Variants in VCP observed in about 807,000 individuals in gnomAD.
VCP encodes valosin containing protein, also known as transitional endoplasmic reticulum ATPase.
VCP carries 6 observed loss-of-function variants against 85.7 expected under a neutral mutation model. The observed-to-expected ratio is 0.07, with a 90% confidence interval of 0.04 to 0.14. The LOEUF (loss-of-function observed/expected upper bound fraction) is 0.14. Ranked by LOEUF, VCP falls within the 10% of genes least tolerant of loss-of-function variation. VCP has a pLI of 1.00. For synonymous variants in VCP, 384 were observed against 367.1 expected (o/e 1.05, Z -0.53); for missense variants, 353 against 1,043.4 (o/e 0.34, Z 9.12).
rs529589283 is a variant in VCP, at chr9:35,059,987, C to A, written c.1696-186G>T. The A allele has an allele frequency of 1.6e-4, 119 of 765,704 alleles. 2 individuals are homozygous for A. In the South Asian group the frequency reaches 2.1e-3, roughly 13 times the overall value. 47.4% of individuals were successfully genotyped at this position (765,704 alleles called of 1,614,324 possible). A position where few individuals can be genotyped will look rare whatever the true frequency, so the allele number is the denominator to read the frequency against. On this transcript the variant is annotated intron_variant, in intron 13 of 16. Coordinates refer to ENST00000358901, the MANE Select transcript of VCP (RefSeq NM_007126.5). This position sits in a 1 kb window ranked among gnomAD's most constrained non-coding sequence, Gnocchi z 4.9. Reference sequence around the variant, plus strand: ...GTCTCTACAAAAAATAAAAAATTAGCCAGATGTGGTGACGCATGCCTATAG... The same window carrying A: ...GTCTCTACAAAAAATAAAAAATTAGACAGATGTGGTGACGCATGCCTATAG...
Position 35,068,610 on chromosome 9 carries a change from G to A in VCP, c.18-248C>T, listed in dbSNP as rs574321642. Reference sequence around the variant, plus strand: ...TATAAGGCCCCAAGTGAGTGATCCTGCCCCAGGGTCAGAAAATAATGGCCT... The same window carrying A: ...TATAAGGCCCCAAGTGAGTGATCCTACCCCAGGGTCAGAAAATAATGGCCT... On this transcript the variant is annotated intron_variant, in intron 1 of 16. Transcript: ENST00000358901. Among the ~76,000 whole-genome samples the A allele has an allele frequency of 4.6e-5, 7 of 152,142 alleles. 1 individual carries two copies. Among genetic ancestry groups the A allele is most frequent in the Non-Finnish European group, 1.0e-4 (7 of 68,022 alleles).
intron 1 of VCP, among the ~76,000 whole-genome samples, chr9:35,071,448 T>C (rs1485908492): frequency 3.3e-5 from 5 of 151,884 alleles, no homozygotes; most frequent in Admixed American, 6.6e-5. Context: ...ATATAGCTGG[T>C]TGGGGAAAGG....
chr9:35,070,912 G>C (rs1036424524), intron 1 of VCP, among the ~76,000 whole-genome samples: 1 of 152,214 alleles, frequency 6.6e-6, no homozygotes, highest in East Asian at 1.9e-4. Flanking sequence ...AATTTGGCCT[G>C]ACCATGGGCC....
At chr9:35,060,555 C>T (rs368525824) in intron 12 of VCP, 30 bp from the exon 13 acceptor site, 2 of 1,607,108 alleles carry the variant, frequency 1.2e-6, no homozygotes, top group Non-Finnish European at 1.7e-6. Context: ...GGGTTCAAGG[C>T]TACCTCCACA....
intron 4 of VCP, 49 bp from the exon 5 acceptor site, chr9:35,065,430 C>T (rs1384315469): frequency 6.2e-7 from 1 of 1,612,588 alleles, no homozygotes; most frequent in African/African-American, 1.3e-5. Context: ...AACTACAAGA[C>T]AAAGTGAGAA....
At position 35,056,256 on chromosome 9, in the gene VCP, C is replaced by T. The variant is rs11546026; in HGVS notation, c.*861G>A. 1 of 152,180 alleles carries T rather than the reference C, an allele frequency of 6.6e-6. No individual in the cohort carries two copies. Among genetic ancestry groups the T allele is most frequent in the African/African-American group, 2.4e-5 (1 of 41,442 alleles). The allele number at this position is 152,180 out of a possible 1,614,324, so 9.4% of individuals were successfully genotyped here. A position where few individuals can be genotyped will look rare whatever the true frequency, so the allele number is the denominator to read the frequency against. On this transcript the variant is annotated 3_prime_UTR_variant, in exon 17 of 17. Transcript: ENST00000358901. The stretch of plus-strand genomic sequence containing the variant: ...GCGATTTTCAAATGGCACCCCAACA[C>T]AGTCTTTGGTCAGGATAAGGGATCC...
Position 35,062,025 on chromosome 9 carries a change from A to T in VCP, c.1059T>A (p.Ile353=). ...VMAATNRPNS[I]DPALRRFGRF... ...TACCAAATCGCCGTAGAGCTGGGTC[A>T]ATGCTGTTGGGTCTGTTGGTTGCTG... The change falls in exon 9 of 17, where the codon ATT becomes ATA. Residue 353 remains isoleucine, a synonymous_variant. Transcript: ENST00000358901. 6.2e-7 allele frequency: 1 copy of T among 1,614,200 alleles called. No homozygotes were observed. Among genetic ancestry groups the T allele is most frequent in the Non-Finnish European group, 8.5e-7 (1 of 1,180,030 alleles).
rs185234380 is a variant in VCP, at chr9:35,058,871, C to T, written c.2160+193G>A. On this transcript the variant is annotated intron_variant, in intron 15 of 16. Coordinates refer to ENST00000358901, the MANE Select transcript of VCP (RefSeq NM_007126.5). Reference sequence around the variant, plus strand: ...GCTTGGTTCAGACTGAGAATGGAGCCTGACCATCTCTTCTCGGCCTTATTC... The same window carrying T: ...GCTTGGTTCAGACTGAGAATGGAGCTTGACCATCTCTTCTCGGCCTTATTC... Among the ~76,000 whole-genome samples the T allele has an allele frequency of 3.3e-5, 5 of 152,340 alleles. No homozygotes were observed. The East Asian group carries it at 7.7e-4, about 24-fold the overall frequency.
intron 15 of VCP, among the ~76,000 whole-genome samples, chr9:35,058,432 C>T (rs1483455315): frequency 6.6e-6 from 1 of 152,184 alleles, no homozygotes; most frequent in Non-Finnish European, 1.5e-5. Flanking sequence ...TGGACCCTAT[C>T]CCTTCCCCAA....
chr9:35,061,767 T>G, intron 9 of VCP, 78 bp from the exon 10 acceptor site: 4 of 1,406,450 alleles, frequency 2.8e-6, no homozygotes, highest in Non-Finnish European at 4.0e-6. Flanking sequence ...TGACCAACCA[T>G]CTCAGCCAGC....
Position 35,059,067 on chromosome 9 carries a change from G to A in VCP, c.2157C>T (p.Ala719=), listed in dbSNP as rs372583061. The A allele has an allele frequency of 1.2e-6, 2 of 1,613,838 alleles. No individual in the cohort carries two copies. The highest frequency in any genetic ancestry group is 1.3e-5 in the African/African-American group (1 of 74,894). Residue 719 remains alanine (A), a synonymous_variant, in exon 15 of 17, where the codon GCC becomes GCT. Transcript: ENST00000358901. The surrounding 1 kb of genome is among the most constrained non-coding windows in gnomAD (Gnocchi z 4.9). ...TGGGGAAAGGATGCAGACTCACCAT[G>A]GCTGATGGGTTTGTCTGCCTCTCTC... The part of the protein sequence containing the change: ...RERERQTNPS[A]MEVEEDDPVP...
intron 9 of VCP, 78 bp from the exon 10 acceptor site, chr9:35,061,767 T>A: frequency 7.1e-7 from 1 of 1,406,450 alleles, no homozygotes; most frequent in South Asian, 1.2e-5. Flanking sequence ...TGACCAACCA[T>A]CTCAGCCAGC....
intron 1 of VCP, 163 bp downstream of exon 1, chr9:35,072,174 G>A (rs1360860125): frequency 7.0e-7 from 1 of 1,418,942 alleles, no homozygotes; most frequent in Non-Finnish European, 9.2e-7. Flanking sequence ...CCCCAGCCGG[G>A]CCTGCCGGGT....
At chr9:35,061,965 T>C (rs369422139) in intron 9 of VCP, 38 bp downstream of exon 9, 11 of 1,613,948 alleles carry the variant, frequency 6.8e-6, no homozygotes. Flanking sequence ...AAGTAGGACC[T>C]AAGCAAGGAC....
intron 3 of VCP, among the ~76,000 whole-genome samples, chr9:35,067,120 A>C (rs1828849236): frequency 6.6e-6 from 1 of 152,212 alleles, no homozygotes; most frequent in African/African-American, 2.4e-5. Flanking sequence ...CAATATTACA[A>C]GGGAAGGTCT....
At position 35,059,244 on chromosome 9, in the gene VCP, T is replaced by C. The variant is rs779399540; in HGVS notation, c.2005-25A>G. The C allele has an allele frequency of 1.2e-6, 2 of 1,613,720 alleles. No individual in the cohort carries two copies. Among genetic ancestry groups the C allele is most frequent in the South Asian group, 2.2e-5 (2 of 91,032 alleles). ...CCTAAAAGCAGCAGCAGAGGTACCT[T>C]AGCATTTAGCCTCTCCTCTCGAGAT... On this transcript the variant is annotated intron_variant, in intron 14 of 16. Coordinates refer to ENST00000358901, the MANE Select transcript of VCP (RefSeq NM_007126.5). The surrounding 1 kb of genome is among the most constrained non-coding windows in gnomAD (Gnocchi z 4.9).
At chr9:35,069,908 A>G (rs1828906797) in intron 1 of VCP, among the ~76,000 whole-genome samples, 1 of 152,236 alleles carries the variant, frequency 6.6e-6, no homozygotes, top group African/African-American at 2.4e-5. Flanking sequence ...ATTATGTACC[A>G]GGCATTGTTC....
intron 5 of VCP, 24 bp downstream of exon 5, chr9:35,065,227 A>T: frequency 6.2e-7 from 1 of 1,614,056 alleles, no homozygotes; most frequent in Non-Finnish European, 8.5e-7. Context: ...AAAATCGGAT[A>T]CTGGAATCAG....
chr9:35,061,064 A>G lies in VCP; in HGVS notation c.1310T>C (p.Ile437Thr). 1 of 1,614,144 alleles carries G rather than the reference A, an allele frequency of 6.2e-7. No individual in the cohort carries two copies. The highest frequency in any genetic ancestry group is 8.5e-7 in the Non-Finnish European group (1 of 1,180,008). The change falls in exon 11 of 17, where the codon ATT (isoleucine) becomes ACT (threonine). Residue 437 changes from isoleucine (I) to threonine (T), a missense_variant. Around this residue, in one of 8 missense-constraint regions of VCP, gnomAD observed 22 missense variants for 31.2 expected, o/e 0.70. Transcript: ENST00000358901. Reference sequence around the variant, plus strand: ...TAGAGAGTTCATGACCTCGGCATCAATGGTCTCATCCTCTAGGTCAATGAG... The same window carrying G: ...TAGAGAGTTCATGACCTCGGCATCAGTGGTCTCATCCTCTAGGTCAATGAG... ...MDLIDLEDETIDAEVMNSLAV... is the reference protein window; with the variant it reads ...MDLIDLEDETTDAEVMNSLAV...
Sources: gnomAD v4.1 joint callset for allele counts (sites outside exome capture counted in the v4.1 genomes callset) on GRCh38, gnomAD v4.1.1 for gene constraint, gnomAD v4.1.1 regional missense constraint, Gnocchi (gnomAD v3.1) non-coding constraint, MANE v1.5 for transcripts, NCBI Gene and HGNC (gene_info 2026-07-23, HGNC 2026-07-21) for gene names.